The following LRMDA variants were observed in gnomAD, a reference collection of about 807,000 sequenced individuals.
The protein encoded by LRMDA is leucine rich melanocyte differentiation associated, also known as leucine-rich melanocyte differentiation-associated protein.
Under a neutral mutation model 29.8 loss-of-function variants are expected in LRMDA, and 18 were observed. The observed-to-expected ratio is 0.60, with a 90% CI of 0.42 to 0.90. The LOEUF (loss-of-function observed/expected upper bound fraction) is 0.90, where lower values mean the gene tolerates loss of function less well. LRMDA is among the 40% of genes least tolerant of loss of function. LRMDA has a pLI of 0.00. For missense variants in LRMDA, 273 were observed against 273.9 expected, an observed-to-expected ratio of 1.00 and a Z score of 0.02; for synonymous variants, 125 against 109.4, an observed-to-expected ratio of 1.14 and a Z score of -0.89.
intron 2 of LRMDA, among the ~76,000 whole-genome samples, chr10:75,475,080 A>G (rs35750379): frequency 0.2 from 30,248 of 152,112 alleles, 3,780 homozygotes; most frequent in African/African-American, 0.36. Context: ...CTGAGGACAT[A>G]AGCATAAGAG....
rs913924768 is a variant in LRMDA at position 75,634,576 on chromosome 10, C to G, written c.131+196082C>G. 2.0e-5 allele frequency among the ~76,000 whole-genome samples: 3 copies of G among 152,200 alleles called. No homozygotes were observed. In the East Asian group the frequency reaches 5.8e-4, roughly 29 times the overall value. Reference sequence around the variant, plus strand: ...CAATTCACTCTGTATGTTACCTGCCCGCCCCAGTGGGCATTTGAGCTTGCA... The same window carrying G: ...CAATTCACTCTGTATGTTACCTGCCGGCCCCAGTGGGCATTTGAGCTTGCA... On this transcript the variant is annotated intron_variant, in intron 2 of 6. Coordinates refer to ENST00000611255, the MANE Select transcript of LRMDA (RefSeq NM_001305581.2).
At chr10:75,830,432 C>T (rs1362791015) in intron 2 of LRMDA, among the ~76,000 whole-genome samples, 14 of 152,112 alleles carry the variant, frequency 9.2e-5, no homozygotes, top group Non-Finnish European at 2.9e-5. Flanking sequence ...GGGCAATGTA[C>T]AAAAGAAATA....
At chr10:76,105,979 T>C (rs1849477618) in intron 5 of LRMDA, among the ~76,000 whole-genome samples, 1 of 152,144 alleles carries the variant, frequency 6.6e-6, no homozygotes, top group South Asian at 2.1e-4. Flanking sequence ...ACTCCTGACC[T>C]CAGGTAATCC....
intron 2 of LRMDA, among the ~76,000 whole-genome samples, chr10:75,783,606 C>T (rs546269422): frequency 2.0e-5 from 3 of 152,126 alleles, no homozygotes; most frequent in South Asian, 2.1e-4. Flanking sequence ...CTTGAATCCA[C>T]GTGCCATCCC....
At chr10:76,528,338 T>C (rs1401305612) in intron 6 of LRMDA, among the ~76,000 whole-genome samples, 1 of 152,102 alleles carries the variant, frequency 6.6e-6, no homozygotes, top group African/African-American at 2.4e-5. Context: ...ATTCAAGTGA[T>C]GGTTACATCA....
chr10:76,077,027 T>G (rs1039308898), intron 5 of LRMDA, among the ~76,000 whole-genome samples: 1 of 152,126 alleles, frequency 6.6e-6, no homozygotes, highest in African/African-American at 2.4e-5. Context: ...ACAATGTTTG[T>G]CCTATATGTC....
At position 76,139,972 on chromosome 10, in the gene LRMDA, G is replaced by C. The variant is rs144317768; in HGVS notation, c.516+81189G>C. 2.6e-5 allele frequency among the ~76,000 whole-genome samples: 4 copies of C among 152,200 alleles called. No homozygotes were observed. The East Asian group carries it at 7.7e-4, about 29-fold the overall frequency. On this transcript the variant is annotated intron_variant, in intron 5 of 6. Coordinates refer to ENST00000611255, the MANE Select transcript of LRMDA (RefSeq NM_001305581.2). ...TTCCAGTTCAAATACTGTTTGGAAA[G>C]TGGGGTGACTGAAATCAATTTTCTG...
At position 75,933,451 on chromosome 10, in the gene LRMDA, A is replaced by C. The variant is rs566361697; in HGVS notation, c.132-102557A>C. Among the ~76,000 whole-genome samples the C allele has an allele frequency of 2.6e-5, 4 of 152,348 alleles. No homozygotes were observed. In the South Asian group the frequency reaches 6.2e-4, roughly 24 times the overall value. On this transcript the variant is annotated intron_variant, in intron 2 of 6. Transcript: ENST00000611255. ...GTTATGGCTAAATTGTAGTCTTTGCATGAAAAAGAAATGACCTGGTCCTTG... is the reference window on the plus strand; with the variant it reads ...GTTATGGCTAAATTGTAGTCTTTGCCTGAAAAAGAAATGACCTGGTCCTTG...
intron 2 of LRMDA, among the ~76,000 whole-genome samples, chr10:75,846,434 T>G (rs531540699): frequency 6.6e-6 from 1 of 152,254 alleles, no homozygotes; most frequent in South Asian, 2.1e-4. Context: ...TTTATCAATA[T>G]AAACAATCAG....
intron 2 of LRMDA, among the ~76,000 whole-genome samples, chr10:76,010,412 A>C (rs1236108283): frequency 6.6e-6 from 1 of 150,988 alleles, no homozygotes; most frequent in African/African-American, 2.4e-5. Context: ...TCCCGAGTTC[A>C]AGCAATTCTC....
intron 4 of LRMDA, among the ~76,000 whole-genome samples, chr10:76,055,077 A>AAAAAAAAAAAAAAAAAAAAAAAAAAAAAC (rs1848589277): frequency 6.8e-6 from 1 of 146,952 alleles, no homozygotes; most frequent in Admixed American, 7.3e-5. Flanking sequence ...AAAAAAAAAA[A>AAAAAAAAAAAAAAAAAAAAAAAAAAAAAC]AAAAAAAAAA....
chr10:75,989,779 C>G (rs1165988910), intron 2 of LRMDA, among the ~76,000 whole-genome samples: 1 of 152,214 alleles, frequency 6.6e-6, no homozygotes, highest in East Asian at 1.9e-4. Context: ...AAACAGCTAG[C>G]AACAGTGAAC....
intron 2 of LRMDA, among the ~76,000 whole-genome samples, chr10:76,034,244 C>T (rs991422849): frequency 1.3e-5 from 2 of 152,082 alleles, no homozygotes. Context: ...TTATGGGTCA[C>T]ATGACATATT....
intron 2 of LRMDA, among the ~76,000 whole-genome samples, chr10:75,706,696 C>T (rs534841252): frequency 6.7e-6 from 1 of 150,108 alleles, no homozygotes; most frequent in Non-Finnish European, 1.5e-5. Flanking sequence ...ATTTAAATCA[C>T]GAGACAATCC....
At chr10:75,815,368 A>G (rs1844040712) in intron 2 of LRMDA, among the ~76,000 whole-genome samples, 2 of 152,212 alleles carry the variant, frequency 1.3e-5, no homozygotes, top group Admixed American at 1.3e-4. Context: ...AGCATAGAGT[A>G]ATAATTACAG....
chr10:76,031,088 A>G (rs189627816), intron 2 of LRMDA, among the ~76,000 whole-genome samples: 120 of 152,288 alleles, frequency 7.9e-4, no homozygotes, highest in African/African-American at 2.4e-3. Context: ...GCACTGTCCA[A>G]TTAGAATTGA....
At chr10:75,696,516 A>G (rs934610706) in intron 2 of LRMDA, among the ~76,000 whole-genome samples, 1 of 152,250 alleles carries the variant, frequency 6.6e-6, no homozygotes, top group African/African-American at 2.4e-5. Flanking sequence ...CACAAAAGAT[A>G]CTTATTAAAA....
chr10:76,435,039 G>A (rs1028337927), intron 6 of LRMDA, among the ~76,000 whole-genome samples: 2 of 152,002 alleles, frequency 1.3e-5, no homozygotes, highest in South Asian at 2.1e-4. Flanking sequence ...ACCCTGCCAC[G>A]TTTCTGCCCC....
intron 2 of LRMDA, among the ~76,000 whole-genome samples, chr10:75,843,436 C>T (rs1393634208): frequency 1.3e-5 from 2 of 152,198 alleles, no homozygotes; most frequent in Non-Finnish European, 1.5e-5. Context: ...GGGGGACAAG[C>T]ATTGGCTTAG....
Sources: allele counts gnomAD v4.1 joint callset (sites outside exome capture counted in the v4.1 genomes callset), GRCh38; gene constraint gnomAD v4.1.1; transcripts MANE v1.5; gene names NCBI Gene and HGNC (gene_info 2026-07-23, HGNC 2026-07-21).